Variants in PAPSS2 observed in about 807,000 individuals in gnomAD.
PAPSS2 encodes 3'-phosphoadenosine 5'-phosphosulfate synthase 2.
A neutral mutation model predicts 66.5 loss-of-function variants in PAPSS2; 61 were observed. That is an observed-to-expected ratio of 0.92 (90% CI 0.75 to 1.14). The LOEUF is 1.14. Ranked by LOEUF, PAPSS2 falls within the 50% of genes most tolerant of loss-of-function variation. The probability of loss-of-function intolerance (pLI) is 0.00; values close to 1 mark genes in which losing one functional copy is unlikely to be tolerated. For missense variants in PAPSS2, 708 were observed against 789.6 expected, an observed-to-expected ratio of 0.90 and a Z score of 1.24; for synonymous variants, 289 against 287.5, an observed-to-expected ratio of 1.01 and a Z score of -0.05.
At chr10:87,667,109 GTCT>G (rs772748829) in intron 1 of PAPSS2, among the ~76,000 whole-genome samples, 2 of 152,148 alleles carry the variant, frequency 1.3e-5, no homozygotes, top group Non-Finnish European at 2.9e-5. Flanking sequence ...TATAAATTTT[GTCT>G]TCTTGTTCCT....
At chr10:87,699,338 G>C (rs147002982) in intron 1 of PAPSS2, among the ~76,000 whole-genome samples, 3 of 152,320 alleles carry the variant, frequency 2.0e-5, no homozygotes, top group East Asian at 1.9e-4. Context: ...ACCCAGGCCG[G>C]AGTGCAATGG....
At chr10:87,662,216 G>A (rs1235529436) in intron 1 of PAPSS2, among the ~76,000 whole-genome samples, 1 of 152,124 alleles carries the variant, frequency 6.6e-6, no homozygotes, top group Non-Finnish European at 1.5e-5. Context: ...TCAAATATTT[G>A]TTGAGCACCT....
intron 1 of PAPSS2, among the ~76,000 whole-genome samples, chr10:87,669,342 A>T (rs376430099): frequency 6.6e-5 from 10 of 152,324 alleles, no homozygotes; most frequent in Non-Finnish European, 1.2e-4. Flanking sequence ...TCAGTTCGCA[A>T]AGTACTATGA....
intron 7 of PAPSS2, among the ~76,000 whole-genome samples, chr10:87,720,598 C>T (rs1303292290): frequency 6.6e-6 from 1 of 152,156 alleles, no homozygotes; most frequent in Non-Finnish European, 1.5e-5. Context: ...TTGCAAATTT[C>T]TTGATTACCT....
At chr10:87,701,398 CTT>C (rs58241817) in intron 1 of PAPSS2, among the ~76,000 whole-genome samples, 1,742 of 78,960 alleles carry the variant, frequency 0.022, 33 homozygotes, top group African/African-American at 0.034. Context: ...CTTTCTTTCT[CTT>C]TCTTTCTCTC....
chr10:87,730,202 G>A (rs1242955280), intron 9 of PAPSS2, among the ~76,000 whole-genome samples: 1 of 152,166 alleles, frequency 6.6e-6, no homozygotes, highest in Non-Finnish European at 1.5e-5. Flanking sequence ...CTGACAAAAG[G>A]CAGATTAATG....
chr10:87,719,916 C>A (rs866579657), intron 7 of PAPSS2, among the ~76,000 whole-genome samples: 5 of 152,014 alleles, frequency 3.3e-5, no homozygotes, highest in South Asian at 2.1e-4. Flanking sequence ...GACAGAGTCT[C>A]GCTCTGTTGC....
intron 2 of PAPSS2, among the ~76,000 whole-genome samples, chr10:87,710,070 ATTTCATAGACAACAGT>A (rs1853445219): frequency 6.6e-6 from 1 of 152,226 alleles, no homozygotes; most frequent in Non-Finnish European, 1.5e-5. Flanking sequence ...AACCAAGTTC[ATTTCATAGACAACAGT>A]TTTCAAATGG....
At position 87,665,234 on chromosome 10, in the gene PAPSS2, C is replaced by A. The variant is rs568284294; in HGVS notation, c.27+5226C>A. Among the ~76,000 whole-genome samples, 10 of 150,248 alleles carry A rather than the reference C, an allele frequency of 6.7e-5. No homozygotes were observed. In the South Asian group the frequency reaches 2.1e-3, roughly 31 times the overall value. On this transcript the variant is annotated intron_variant, in intron 1 of 12. Transcript: ENST00000456849. ...TTACCACTTTTTTTTTTTTTGGAGACAGAGTCTCGCACTGTCACCCAGGCT... is the reference window on the plus strand; with the variant it reads ...TTACCACTTTTTTTTTTTTTGGAGAAAGAGTCTCGCACTGTCACCCAGGCT...
chr10:87,723,276 A>G (rs1200907159), intron 8 of PAPSS2, among the ~76,000 whole-genome samples: 1 of 152,212 alleles, frequency 6.6e-6, no homozygotes, highest in East Asian at 1.9e-4. Context: ...TGAAGGGGTT[A>G]TTCTTTGTTA....
intron 1 of PAPSS2, among the ~76,000 whole-genome samples, chr10:87,663,785 G>A (rs1221389056): frequency 6.6e-6 from 1 of 152,186 alleles, no homozygotes; most frequent in African/African-American, 2.4e-5. Flanking sequence ...GTCTTGCTCA[G>A]TGCCAGACCC....
At chr10:87,722,764 TAGAA>T (rs1391988699) in intron 8 of PAPSS2, among the ~76,000 whole-genome samples, 1 of 152,326 alleles carries the variant, frequency 6.6e-6, no homozygotes, top group African/African-American at 2.4e-5. Context: ...GTTTATATAT[TAGAA>T]AGGTTGATAA....
At chr10:87,684,811 A>G (rs1471091092) in intron 1 of PAPSS2, among the ~76,000 whole-genome samples, 1 of 152,222 alleles carries the variant, frequency 6.6e-6, no homozygotes, top group African/African-American at 2.4e-5. Context: ...GATTACCTCA[A>G]GTCACACAGG....
At chr10:87,663,081 A>G (rs370075111) in intron 1 of PAPSS2, among the ~76,000 whole-genome samples, 1 of 142,850 alleles carries the variant, frequency 7.0e-6, no homozygotes, top group East Asian at 2.0e-4. Flanking sequence ...TGCACAGTAT[A>G]ACATTATTTT....
At chr10:87,687,707 T>C (rs1853105884) in intron 1 of PAPSS2, among the ~76,000 whole-genome samples, 1 of 152,136 alleles carries the variant, frequency 6.6e-6, no homozygotes, top group African/African-American at 2.4e-5. Flanking sequence ...ATGATAAGTG[T>C]TTGAGGTGAT....
In PAPSS2 at chr10:87,709,333, A is replaced by G. The variant is rs757976312; in HGVS notation, c.145+20A>G. 3 of 1,281,146 alleles carry G rather than the reference A, an allele frequency of 2.3e-6. No homozygotes were observed. Among genetic ancestry groups the G allele is most frequent in the South Asian group, 1.2e-5 (1 of 83,904 alleles). The allele number at this position is 1,281,146 out of a possible 1,614,324, so 79.4% of individuals were successfully genotyped here. The stretch of plus-strand genomic sequence containing the variant: ...TAACAGGTATGTCATGTTCATATAT[A>G]TATATATATATACAAATTGCAAACT... On this transcript the variant is annotated intron_variant, in intron 2 of 12. Transcript: ENST00000456849.
intron 9 of PAPSS2, among the ~76,000 whole-genome samples, chr10:87,733,856 A>G (rs1396975046): frequency 6.8e-6 from 1 of 147,246 alleles, no homozygotes; most frequent in Non-Finnish European, 1.5e-5. Context: ...TCCCCCTACT[A>G]TGTCTCCTAT....
intron 10 of PAPSS2, among the ~76,000 whole-genome samples, chr10:87,743,039 G>A (rs7908641): frequency 0.41 from 61,846 of 151,918 alleles, 13,495 homozygotes; most frequent in African/African-American, 0.57. Context: ...TGAGGTCAGG[G>A]GTTCGAGACC....
At chr10:87,710,279 T>C (rs932134947) in intron 2 of PAPSS2, among the ~76,000 whole-genome samples, 2 of 152,214 alleles carry the variant, frequency 1.3e-5, no homozygotes, top group Non-Finnish European at 2.9e-5. Flanking sequence ...GTTTTTGCCT[T>C]GTGCCTTTGG....
Sources: allele counts gnomAD v4.1 joint callset (sites outside exome capture counted in the v4.1 genomes callset), GRCh38; gene constraint gnomAD v4.1.1; transcripts MANE v1.5; gene names NCBI Gene and HGNC (gene_info 2026-07-23, HGNC 2026-07-21).